NKAIN2: variants seen among roughly 807,000 people sequenced by gnomAD.
NKAIN2 encodes the protein sodium/potassium-transporting ATPase subunit beta-1-interacting protein 2.
NKAIN2 carries 14 observed loss-of-function variants against 32.6 expected under a neutral mutation model. The ratio of observed to expected loss-of-function variants is 0.43; its 90% confidence interval spans 0.28 to 0.67. The LOEUF is 0.67. NKAIN2 is among the 30% of genes least tolerant of loss of function. The pLI is 0.17. For missense variants in NKAIN2, 198 were observed against 258.3 expected (o/e 0.77, Z 1.60); for synonymous variants, 80 against 87.2 (o/e 0.92, Z 0.46).
intron 3 of NKAIN2, among the ~76,000 whole-genome samples, chr6:124,365,469 G>A (rs945809309): frequency 1.3e-5 from 2 of 151,772 alleles, no homozygotes; most frequent in South Asian, 2.1e-4. Flanking sequence ...TGATAAAAAG[G>A]TAAATCCACA....
intron 2 of NKAIN2, among the ~76,000 whole-genome samples, chr6:124,345,249 T>G (rs998973494): frequency 6.6e-5 from 10 of 152,130 alleles, no homozygotes; most frequent in Non-Finnish European, 1.2e-4. Context: ...ATTTTATTGA[T>G]GATTTTTGCA....
chr6:124,331,345 C>CAAAAAAAAAAAAAAA lies in NKAIN2; in HGVS notation c.193-23902_193-23888dup, dbSNP rs1162529828. Among the ~76,000 whole-genome samples the CAAAAAAAAAAAAAAA allele has an allele frequency of 1.7e-3, 35 of 20,814 alleles. 4 individuals carry two copies. Among genetic ancestry groups the CAAAAAAAAAAAAAAA allele is most frequent in the Admixed American group, 5.4e-3 (5 of 926 alleles). 13.7% of individuals were successfully genotyped at this position (20,814 alleles called of 152,430 possible). A position where few individuals can be genotyped will look rare whatever the true frequency, so the allele number is the denominator to read the frequency against. ...TGAAACCCTGTCTCTACTAAATATA[C>CAAAAAAAAAAAAAAA]AAAAAAAAAAAAAAAAAAAAAAAAA... On this transcript the variant is annotated intron_variant, in intron 2 of 6. Transcript: ENST00000368417.
intron 1 of NKAIN2, among the ~76,000 whole-genome samples, chr6:124,260,641 G>T (rs568149839): frequency 2.4e-4 from 37 of 152,200 alleles, no homozygotes; most frequent in African/African-American, 8.4e-4. Context: ...TGCAGGAGGG[G>T]TTCCTTTTAC....
At chr6:124,526,738 G>A (rs1779328745) in intron 3 of NKAIN2, among the ~76,000 whole-genome samples, 1 of 152,102 alleles carries the variant, frequency 6.6e-6, no homozygotes, top group African/African-American at 2.4e-5. Flanking sequence ...CTTGTAAAAG[G>A]CATAGTCCCA....
rs1781534728 is a variant in NKAIN2, at chr6:124,825,092, T to C, written c.*1863T>C. 6.6e-6 allele frequency: 1 copy of C among 152,616 alleles called. No individual in the cohort carries two copies. The highest frequency in any genetic ancestry group is 6.6e-5 in the Admixed American group (1 of 15,266). The allele number at this position is 152,616 out of a possible 1,614,324, so 9.5% of individuals were successfully genotyped here. On this transcript the variant is annotated 3_prime_UTR_variant, in exon 7 of 7. Coordinates refer to ENST00000368417, the MANE Select transcript of NKAIN2 (RefSeq NM_001040214.3). ...GCATGTTTAATGTATGAGAAAAATA[T>C]TTACCAATGTATTGTCCTTTGAGTC...
At chr6:124,353,479 G>A (rs568243907) in intron 2 of NKAIN2, among the ~76,000 whole-genome samples, 3 of 152,324 alleles carry the variant, frequency 2.0e-5, no homozygotes, top group Non-Finnish European at 4.4e-5. Flanking sequence ...CACAGGCCGG[G>A]CGTGGTGGCT....
chr6:124,088,409 AAAAAT>A (rs907508536), intron 1 of NKAIN2, among the ~76,000 whole-genome samples: 2 of 152,032 alleles, frequency 1.3e-5, no homozygotes, highest in Non-Finnish European at 2.9e-5. Flanking sequence ...ACCATGTCTC[AAAAAT>A]AAAATAAAAA....
chr6:124,492,761 T>G (rs531287370), intron 3 of NKAIN2, among the ~76,000 whole-genome samples: 2 of 152,144 alleles, frequency 1.3e-5, no homozygotes, highest in Non-Finnish European at 2.9e-5. Context: ...ATTGAAATAA[T>G]TTAAGAAATA....
chr6:124,556,419 C>T (rs905457160), intron 3 of NKAIN2, among the ~76,000 whole-genome samples: 3 of 152,110 alleles, frequency 2.0e-5, no homozygotes, highest in Non-Finnish European at 2.9e-5. Flanking sequence ...GGGCTTTGAC[C>T]TCGTAAATGG....
intron 3 of NKAIN2, among the ~76,000 whole-genome samples, chr6:124,640,173 C>T (rs1407890478): frequency 2.0e-5 from 3 of 151,930 alleles, no homozygotes; most frequent in East Asian, 3.9e-4. Context: ...TTCTGACTAT[C>T]GAAAAATGAT....
chr6:124,126,379 C>G (rs761522719), intron 1 of NKAIN2, among the ~76,000 whole-genome samples: 41 of 152,328 alleles, frequency 2.7e-4, no homozygotes, highest in Non-Finnish European at 3.4e-4. Flanking sequence ...TCTGCCATCT[C>G]TTCCTTCATT....
intron 1 of NKAIN2, among the ~76,000 whole-genome samples, chr6:123,869,553 G>A (rs79056243): frequency 1.8e-3 from 270 of 152,258 alleles, no homozygotes; most frequent in African/African-American, 6.4e-3. Flanking sequence ...TCATTAAATG[G>A]CAACTGAACA....
chr6:123,986,314 T>C (rs1393351598), intron 1 of NKAIN2, among the ~76,000 whole-genome samples: 1 of 152,168 alleles, frequency 6.6e-6, no homozygotes, highest in Non-Finnish European at 1.5e-5. Context: ...GTAGTGCACA[T>C]CTTTTAAAAT....
chr6:124,304,912 C>CA (rs1010389097), intron 2 of NKAIN2, among the ~76,000 whole-genome samples: 12 of 145,316 alleles, frequency 8.3e-5, no homozygotes, highest in African/African-American at 1.8e-4. Flanking sequence ...GACTTGCCTC[C>CA]AAAAAAAAAA....
chr6:123,807,892 T>G (rs2114854573), intron 1 of NKAIN2, among the ~76,000 whole-genome samples: 1 of 152,254 alleles, frequency 6.6e-6, no homozygotes, highest in South Asian at 2.1e-4. Context: ...AACAATTAGG[T>G]TAGTACACAT....
intron 2 of NKAIN2, among the ~76,000 whole-genome samples, chr6:124,351,139 C>T (rs1366862418): frequency 2.0e-5 from 3 of 152,006 alleles, no homozygotes; most frequent in Non-Finnish European, 2.9e-5. Flanking sequence ...AAATAGCATT[C>T]GTCTATACAT....
chr6:124,701,277 A>G (rs1032617207), intron 4 of NKAIN2, among the ~76,000 whole-genome samples: 4 of 152,044 alleles, frequency 2.6e-5, no homozygotes, highest in South Asian at 4.1e-4. Context: ...TTGTAATACT[A>G]TAAGAAAGGA....
intron 3 of NKAIN2, among the ~76,000 whole-genome samples, chr6:124,518,284 A>G (rs1317597683): frequency 1.2e-5 from 1 of 86,288 alleles, no homozygotes; most frequent in Non-Finnish European, 2.6e-5. Context: ...ATCAGTGCTG[A>G]TTCTAGTTAA....
chr6:124,545,509 C>T (rs12213449), intron 3 of NKAIN2, among the ~76,000 whole-genome samples: 1,893 of 152,182 alleles, frequency 0.012, 18 homozygotes, highest in Non-Finnish European at 0.02. Context: ...TGACAATTTA[C>T]AGCATAGGTT....
Sources: gnomAD v4.1 joint callset for allele counts (sites outside exome capture counted in the v4.1 genomes callset) on GRCh38, gnomAD v4.1.1 for gene constraint, MANE v1.5 for transcripts, NCBI Gene and HGNC (gene_info 2026-07-23, HGNC 2026-07-21) for gene names.